GNB1L: variants seen among roughly 807,000 people sequenced by gnomAD.
GNB1L encodes guanine nucleotide-binding protein subunit beta-like protein 1.
A neutral mutation model predicts 29.1 loss-of-function variants in GNB1L; 20 were observed. The ratio of observed to expected loss-of-function variants is 0.69; its 90% confidence interval spans 0.48 to 1.00. The LOEUF (loss-of-function observed/expected upper bound fraction) is 1.00, where lower values mean the gene tolerates loss of function less well. GNB1L is among the 50% of genes least tolerant of loss of function. GNB1L has a pLI of 0.00. For missense variants in GNB1L, 421 were observed against 464.9 expected, an observed-to-expected ratio of 0.91 and a Z score of 0.87; for synonymous variants, 193 against 206.5, an observed-to-expected ratio of 0.93 and a Z score of 0.56.
intron 6 of GNB1L, among the ~76,000 whole-genome samples, chr22:19,805,650 C>T (rs543832607): frequency 2.6e-5 from 4 of 152,180 alleles, no homozygotes; most frequent in South Asian, 2.1e-4. Context: ...GGCGTGGTGG[C>T]GGGCGCCTGT....
In GNB1L at chr22:19,802,203, G is replaced by C; in HGVS notation, c.530C>G (p.Ser177Cys). 2 of 1,612,752 alleles carry C rather than the reference G, an allele frequency of 1.2e-6. No homozygotes were observed. The highest frequency in any genetic ancestry group is 1.7e-6 in the Non-Finnish European group (2 of 1,179,996). Residue 177 changes from serine (S) to cysteine (C), a missense_variant, in exon 7 of 8, where the codon TCC (serine) becomes TGC (cysteine). Transcript: ENST00000329517. ...ATAGCCGGCCAGAAGGAGTGGGCGG[G>C]AGCTGCAGTCGGCCTGCGGGGAACA... ...CLRLWQADCS[S>C]RPLLLAGYED...
At chr22:19,849,049 C>T (rs1377632100) in intron 2 of GNB1L, 7 of 985,320 alleles carry the variant, frequency 7.1e-6, no homozygotes, top group Admixed American at 6.2e-5. Context: ...CCTGAGTCAT[C>T]GGACGGAGGG....
Position 19,844,015 on chromosome 22 carries a change from C to A in GNB1L, c.-21+10428G>T, listed in dbSNP as rs572509327. 2.4e-3 allele frequency among the ~76,000 whole-genome samples: 364 copies of A among 152,196 alleles called. 2 individuals are homozygous for A. Among genetic ancestry groups the A allele is most frequent in the African/African-American group, 8.5e-3 (352 of 41,556 alleles). ...ACCTCACCTCACCTGGGGCAGTGGC[C>A]CAGGTGCCCCAGGGCTGGCCACCAG... On this transcript the variant is annotated intron_variant, in intron 2 of 7. Coordinates refer to ENST00000329517, the MANE Select transcript of GNB1L (RefSeq NM_053004.3).
At chr22:19,838,580 C>T (rs1474991674) in intron 2 of GNB1L, among the ~76,000 whole-genome samples, 2 of 151,962 alleles carry the variant, frequency 1.3e-5, no homozygotes, top group African/African-American at 2.4e-5. Context: ...AAGCGATTCT[C>T]CTGTCTCAGC....
chr22:19,850,946 G>T, intron 2 of GNB1L: 1 of 1,374,742 alleles, frequency 7.3e-7, no homozygotes, highest in Non-Finnish European at 9.4e-7. Flanking sequence ...GCAGCAGAGA[G>T]CCAGCAGCAG....
intron 2 of GNB1L, chr22:19,850,861 G>A (rs1208541122): frequency 7.5e-7 from 1 of 1,330,466 alleles, no homozygotes; most frequent in Non-Finnish European, 9.6e-7. Flanking sequence ...TATCTGCTGA[G>A]AGTTGATCTA....
intron 2 of GNB1L, among the ~76,000 whole-genome samples, chr22:19,853,577 C>CCTATCTG (rs1401742950): frequency 6.6e-6 from 1 of 152,214 alleles, no homozygotes; most frequent in Non-Finnish European, 1.5e-5. Context: ...TCCCACATCT[C>CCTATCTG]CTATCTGCTG....
At chr22:19,847,804 C>CAAAAAAAAAAAAAAATAAAA (rs1937997732) in intron 2 of GNB1L, 1 of 533,108 alleles carries the variant, frequency 1.9e-6, no homozygotes, top group Non-Finnish European at 2.2e-6. Flanking sequence ...GAATCATAGG[C>CAAAAAAAAAAAAAAATAAAA]AAAAAAAAAA....
chr22:19,821,577 G>T (rs1037765235), intron 2 of GNB1L, among the ~76,000 whole-genome samples: 1 of 152,318 alleles, frequency 6.6e-6, no homozygotes, highest in East Asian at 1.9e-4. Context: ...CTGCACGGCG[G>T]TGAGCCCAGC....
At chr22:19,822,969 C>G (rs1937590934) in intron 2 of GNB1L, among the ~76,000 whole-genome samples, 1 of 152,180 alleles carries the variant, frequency 6.6e-6, no homozygotes, top group Non-Finnish European at 1.5e-5. Context: ...CCAAGGTGTC[C>G]TGCAGAGTGG....
At chr22:19,847,159 G>C in intron 2 of GNB1L, 9 of 985,470 alleles carry the variant, frequency 9.1e-6, no homozygotes, top group Non-Finnish European at 1.1e-5. Context: ...CCCTGCCTCA[G>C]TGAGCATGGA....
chr22:19,852,318 G>A (rs1381944405), intron 2 of GNB1L: 4 of 1,541,328 alleles, frequency 2.6e-6, no homozygotes, highest in Admixed American at 1.8e-5. Flanking sequence ...GTGGGGGTGT[G>A]GACAGATGTG....
At chr22:19,852,532 T>C (rs1450153543) in intron 2 of GNB1L, 7 of 465,022 alleles carry the variant, frequency 1.5e-5, no homozygotes, top group Non-Finnish European at 2.7e-5. Flanking sequence ...GGCCTAACCA[T>C]CACCCACTGG....
At chr22:19,812,738 GCA>G (rs1305376979) in intron 4 of GNB1L, among the ~76,000 whole-genome samples, 10 of 152,218 alleles carry the variant, frequency 6.6e-5, no homozygotes, top group Non-Finnish European at 1.3e-4. Flanking sequence ...GTGCTGCACA[GCA>G]CAGAGAGCAA....
Position 19,788,307 on chromosome 22 carries a change from C to T in GNB1L, c.*402G>A, listed in dbSNP as rs1358912425. 3 of 512,470 alleles carry T rather than the reference C, an allele frequency of 5.9e-6. No homozygotes were observed. Among genetic ancestry groups the T allele is most frequent in the Non-Finnish European group, 1.0e-5 (3 of 289,026 alleles). 31.7% of individuals were successfully genotyped at this position (512,470 alleles called of 1,614,324 possible). On this transcript the variant is annotated 3_prime_UTR_variant, in exon 8 of 8. Coordinates refer to ENST00000329517, the MANE Select transcript of GNB1L (RefSeq NM_053004.3). Reference sequence around the variant, plus strand: ...ACACTCGGGGTGGCCCATTCAACAGCAGGTGTGAGGGTGGGGCTGAGCATC... The same window carrying T: ...ACACTCGGGGTGGCCCATTCAACAGTAGGTGTGAGGGTGGGGCTGAGCATC...
chr22:19,837,476 A>C (rs7286924), intron 2 of GNB1L, among the ~76,000 whole-genome samples: 1 of 152,122 alleles, frequency 6.6e-6, no homozygotes, highest in East Asian at 1.9e-4. Context: ...GCAAATAAGG[A>C]CATGAAAACA....
chr22:19,814,134 A>G (rs1488985698), intron 4 of GNB1L, among the ~76,000 whole-genome samples: 1 of 152,192 alleles, frequency 6.6e-6, no homozygotes, highest in East Asian at 1.9e-4. Flanking sequence ...TCATGAGTGA[A>G]TGTGTATTAT....
intron 2 of GNB1L, among the ~76,000 whole-genome samples, chr22:19,836,407 T>C (rs1043234095): frequency 1.4e-5 from 2 of 147,860 alleles, no homozygotes; most frequent in African/African-American, 5.0e-5. Context: ...AAAAAAAAAA[T>C]CAAAATTCCA....
intron 2 of GNB1L, among the ~76,000 whole-genome samples, chr22:19,838,609 A>G (rs900753828): frequency 8.5e-5 from 13 of 152,048 alleles, no homozygotes; most frequent in African/African-American, 2.9e-4. Flanking sequence ...TAGCTGGATT[A>G]CAGACGCCTG....
Sources: gnomAD v4.1 joint callset for allele counts (sites outside exome capture counted in the v4.1 genomes callset) on GRCh38, gnomAD v4.1.1 for gene constraint, MANE v1.5 for transcripts, NCBI Gene and HGNC (gene_info 2026-07-23, HGNC 2026-07-21) for gene names.